The following CDH18 variants were observed in gnomAD, a reference collection of about 807,000 sequenced individuals.
The protein encoded by CDH18 is cadherin-18.
A neutral mutation model predicts 67.9 loss-of-function variants in CDH18; 31 were observed. The observed-to-expected ratio is 0.46, with a 90% CI of 0.34 to 0.62. The LOEUF (loss-of-function observed/expected upper bound fraction) is 0.62. Among genes scored for constraint, CDH18 ranks in the 20% least tolerant of loss-of-function variants. The pLI is 0.01. For synonymous variants in CDH18, 362 were observed against 347.2 expected, an observed-to-expected ratio of 1.04 and a Z score of -0.48; for missense variants, 890 against 975.5, an observed-to-expected ratio of 0.91 and a Z score of 1.17.
At chr5:20,567,091 A>G (rs1435645862) in intron 1 of CDH18, among the ~76,000 whole-genome samples, 1 of 152,174 alleles carries the variant, frequency 6.6e-6, no homozygotes, top group African/African-American at 2.4e-5. Context: ...GTCAGTATTG[A>G]GTCAGGAAAA....
intron 5 of CDH18, among the ~76,000 whole-genome samples, chr5:19,690,646 G>A (rs2150420411): frequency 6.6e-6 from 1 of 151,614 alleles, no homozygotes; most frequent in East Asian, 1.9e-4. Context: ...GAGACAACAT[G>A]AACAATATAT....
rs184948942 is a variant in CDH18, at chr5:19,721,639, C to G, written c.524-173G>C. Among the ~76,000 whole-genome samples the G allele has an allele frequency of 2.0e-5, 3 of 152,204 alleles. No individual in the cohort carries two copies. The South Asian group carries it at 6.2e-4, about 32-fold the overall frequency. On this transcript the variant is annotated intron_variant, in intron 4 of 12. Transcript: ENST00000382275. ...ATTACTTGCTTTCTTTCCCTGTCAT[C>G]GACTGTAATGAAAGAGAGTCTAAAA...
chr5:20,418,250 T>TTTTTTTTTTTTTTTTTG (rs1747506694), intron 1 of CDH18, among the ~76,000 whole-genome samples: 1 of 122,234 alleles, frequency 8.2e-6, no homozygotes, highest in East Asian at 2.3e-4. Context: ...TAATTTTTTT[T>TTTTTTTTTTTTTTTTTG]TTTTTTTTTT....
intron 2 of CDH18, among the ~76,000 whole-genome samples, chr5:19,979,202 TTGG>T (rs901997127): frequency 3.5e-5 from 5 of 143,788 alleles, no homozygotes; most frequent in African/African-American, 1.4e-4. Flanking sequence ...AAGGTGATTG[TTGG>T]TGGGGATGGA....
At chr5:19,728,549 A>G (rs1489718798) in intron 4 of CDH18, among the ~76,000 whole-genome samples, 1 of 152,168 alleles carries the variant, frequency 6.6e-6, no homozygotes, top group Non-Finnish European at 1.5e-5. Context: ...TTTTGGTACT[A>G]CTGCTTTATA....
chr5:19,565,948 G>T (rs759047616), intron 8 of CDH18, among the ~76,000 whole-genome samples: 1 of 151,412 alleles, frequency 6.6e-6, no homozygotes, highest in Non-Finnish European at 1.5e-5. Context: ...CAAAATGAAA[G>T]AAAATATTTT....
At chr5:20,123,825 T>A (rs965030665) in intron 2 of CDH18, among the ~76,000 whole-genome samples, 2 of 148,128 alleles carry the variant, frequency 1.4e-5, no homozygotes, top group Admixed American at 1.4e-4. Flanking sequence ...AGGCGGAGCT[T>A]GCAGTGAGCT....
chr5:19,587,430 C>T (rs1046027382), intron 7 of CDH18, among the ~76,000 whole-genome samples: 8 of 152,062 alleles, frequency 5.3e-5, no homozygotes, highest in African/African-American at 1.9e-4. Context: ...TTGGGTTTTA[C>T]ATTTAAGTCT....
chr5:19,734,151 T>C (rs1226625313), intron 4 of CDH18, among the ~76,000 whole-genome samples: 1 of 152,354 alleles, frequency 6.6e-6, no homozygotes, highest in East Asian at 1.9e-4. Context: ...TTTTATCTTG[T>C]TGCTTTATTT....
intron 2 of CDH18, among the ~76,000 whole-genome samples, chr5:20,167,012 A>T (rs1580386853): frequency 6.6e-6 from 1 of 152,192 alleles, no homozygotes; most frequent in East Asian, 1.9e-4. Context: ...GGGAGAAATG[A>T]TAGCTTATTT....
chr5:19,981,015 T>C (rs191178724), intron 2 of CDH18, 45 bp downstream of exon 2: 3 of 152,292 alleles, frequency 2.0e-5, no homozygotes, highest in Non-Finnish European at 4.4e-5. Context: ...TTAAGCAGTA[T>C]CACATCCTGC....
At chr5:19,682,195 C>T (rs184868298) in intron 5 of CDH18, among the ~76,000 whole-genome samples, 52 of 152,188 alleles carry the variant, frequency 3.4e-4, no homozygotes, top group African/African-American at 1.2e-3. Context: ...CTCTTCAATT[C>T]TGCCAACAGG....
At chr5:19,963,784 A>C (rs1419502032) in intron 2 of CDH18, among the ~76,000 whole-genome samples, 3 of 152,078 alleles carry the variant, frequency 2.0e-5, no homozygotes, top group Non-Finnish European at 2.9e-5. Context: ...AATGAAGTTT[A>C]ATCGACTCAC....
intron 4 of CDH18, among the ~76,000 whole-genome samples, chr5:19,723,149 A>C: frequency 6.6e-6 from 1 of 152,118 alleles, no homozygotes; most frequent in East Asian, 1.9e-4. Flanking sequence ...CATGCCTGTA[A>C]TCCCAGCTAC....
At chr5:20,356,629 A>C (rs11740490) in intron 1 of CDH18, among the ~76,000 whole-genome samples, 1,741 of 151,802 alleles carry the variant, frequency 0.011, 20 homozygotes, top group Non-Finnish European at 0.017. Flanking sequence ...AAACTTTATG[A>C]TACTGGGAGG....
chr5:20,354,518 G>A (rs1561997629), intron 1 of CDH18, among the ~76,000 whole-genome samples: 1 of 152,082 alleles, frequency 6.6e-6, no homozygotes, highest in Non-Finnish European at 1.5e-5. Flanking sequence ...GGGCTCACAC[G>A]ATCCTCCTGC....
chr5:19,853,583 A>G (rs1007771959), intron 2 of CDH18, among the ~76,000 whole-genome samples: 1 of 152,138 alleles, frequency 6.6e-6, no homozygotes, highest in African/African-American at 2.4e-5. Context: ...ACTGAAAGGG[A>G]CTTCAGAAGC....
At chr5:20,516,481 G>A (rs1239310822) in intron 1 of CDH18, among the ~76,000 whole-genome samples, 1 of 151,764 alleles carries the variant, frequency 6.6e-6, no homozygotes, top group Non-Finnish European at 1.5e-5. Context: ...GGTGACTTTG[G>A]GCTGAGTTTT....
chr5:19,753,563 C>T (rs1158334461), intron 3 of CDH18, among the ~76,000 whole-genome samples: 2 of 152,130 alleles, frequency 1.3e-5, no homozygotes, highest in Non-Finnish European at 2.9e-5. Context: ...CAGTGTTCTT[C>T]AAGAAGAAGA....
Sources: allele counts gnomAD v4.1 joint callset (sites outside exome capture counted in the v4.1 genomes callset), GRCh38; gene constraint gnomAD v4.1.1; transcripts MANE v1.5; gene names NCBI Gene and HGNC (gene_info 2026-07-23, HGNC 2026-07-21).